Variants in MGMT observed in about 807,000 individuals in gnomAD.
MGMT encodes methylated-DNA--protein-cysteine methyltransferase.
In MGMT, 14 loss-of-function variants were observed where a neutral mutation model predicts 15.9. The ratio of observed to expected loss-of-function variants is 0.88; its 90% CI spans 0.58 to 1.37. The LOEUF (loss-of-function observed/expected upper bound fraction) is 1.37. Ranked by LOEUF, MGMT falls within the 40% of genes most tolerant of loss-of-function variation. The pLI, the probability that MGMT is intolerant of heterozygous loss-of-function variation, is 0.00. For synonymous variants in MGMT, 130 were observed against 118.2 expected, an observed-to-expected ratio of 1.10 and a Z score of -0.65; for missense variants, 282 against 268.1, an observed-to-expected ratio of 1.05 and a Z score of -0.36.
chr10:129,617,582 C>A (rs1847042130), intron 2 of MGMT, among the ~76,000 whole-genome samples: 1 of 152,072 alleles, frequency 6.6e-6, no homozygotes, highest in South Asian at 2.1e-4. Context: ...TACAGCCTCA[C>A]CGGCATCTGT....
intron 2 of MGMT, among the ~76,000 whole-genome samples, chr10:129,571,730 T>C (rs2133039568): frequency 6.6e-6 from 1 of 152,332 alleles, no homozygotes; most frequent in East Asian, 1.9e-4. Context: ...GGGAACCTTG[T>C]CACATGTTAT....
intron 2 of MGMT, among the ~76,000 whole-genome samples, chr10:129,587,128 C>T (rs1021948311): frequency 2.6e-5 from 4 of 152,018 alleles, no homozygotes; most frequent in African/African-American, 4.8e-5. Context: ...GTATGTGGAG[C>T]ATTTTCCCCC....
At chr10:129,482,602 A>G (rs1024392808) in intron 1 of MGMT, among the ~76,000 whole-genome samples, 3 of 152,110 alleles carry the variant, frequency 2.0e-5, no homozygotes, top group Non-Finnish European at 4.4e-5. Flanking sequence ...ACATGTTTAG[A>G]ATTTTAACAT....
chr10:129,498,740 C>T (rs1167885765), intron 1 of MGMT, among the ~76,000 whole-genome samples: 3 of 152,036 alleles, frequency 2.0e-5, no homozygotes, highest in African/African-American at 7.2e-5. Context: ...TTTTCCCTGC[C>T]CCAGCCCTGG....
At position 129,725,406 on chromosome 10, in the gene MGMT, A is replaced by G. The variant is rs576766025; in HGVS notation, c.274+17363A>G. 7.2e-5 allele frequency among the ~76,000 whole-genome samples: 11 copies of G among 152,380 alleles called. No homozygotes were observed. In the East Asian group the frequency reaches 2.1e-3, roughly 29 times the overall value. ...TCAGTAGCCGTGGATCAAATGATGA[A>G]GGCAGAGTTATCTAATTACGGAGTG... On this transcript the variant is annotated intron_variant, in intron 3 of 4. Transcript: ENST00000651593.
chr10:129,725,895 C>A (rs933651862), intron 3 of MGMT, among the ~76,000 whole-genome samples: 16 of 152,216 alleles, frequency 1.1e-4, no homozygotes, highest in African/African-American at 3.6e-4. Flanking sequence ...CCTGTTCTGC[C>A]TTCTCAACCA....
intron 2 of MGMT, among the ~76,000 whole-genome samples, chr10:129,562,841 T>C (rs780193409): frequency 6.6e-6 from 1 of 152,162 alleles, no homozygotes; most frequent in African/African-American, 2.4e-5. Context: ...ACATGCTGAG[T>C]TAAAGTCCTC....
At chr10:129,672,733 C>T (rs2133113642) in intron 2 of MGMT, among the ~76,000 whole-genome samples, 1 of 152,178 alleles carries the variant, frequency 6.6e-6, no homozygotes, top group South Asian at 2.1e-4. Context: ...TTTTTTCCTG[C>T]TTGAAGGTAG....
intron 2 of MGMT, among the ~76,000 whole-genome samples, chr10:129,686,138 G>A (rs1847901999): frequency 6.6e-6 from 1 of 152,140 alleles, no homozygotes; most frequent in Non-Finnish European, 1.5e-5. Flanking sequence ...CGGAGTTAAT[G>A]TCCAGAGCAG....
At chr10:129,689,479 AG>A (rs1405037391) in intron 2 of MGMT, among the ~76,000 whole-genome samples, 1 of 152,190 alleles carries the variant, frequency 6.6e-6, no homozygotes, top group African/African-American at 2.4e-5. Context: ...GGGACAAAAA[AG>A]TGCTGGAGAT....
intron 2 of MGMT, among the ~76,000 whole-genome samples, chr10:129,624,030 G>A (rs912596066): frequency 6.6e-6 from 1 of 152,206 alleles, no homozygotes; most frequent in Non-Finnish European, 1.5e-5. Context: ...CTGCAGCACC[G>A]TCCACCTGTC....
chr10:129,569,730 G>C (rs1233949031), intron 2 of MGMT, among the ~76,000 whole-genome samples: 1 of 152,162 alleles, frequency 6.6e-6, no homozygotes, highest in South Asian at 2.1e-4. Flanking sequence ...AGGAGGAACG[G>C]AAGATTGAGC....
chr10:129,708,640 G>A (rs1368092865), intron 3 of MGMT, among the ~76,000 whole-genome samples: 2 of 152,232 alleles, frequency 1.3e-5, no homozygotes, highest in Admixed American at 6.5e-5. Flanking sequence ...GCTTGTGTTT[G>A]GCTCTGCTCA....
At chr10:129,699,720 A>C (rs1018032636) in intron 2 of MGMT, among the ~76,000 whole-genome samples, 7 of 152,340 alleles carry the variant, frequency 4.6e-5, no homozygotes, top group Non-Finnish European at 1.0e-4. Context: ...CTTGACAGCC[A>C]GAGCTCCTCA....
chr10:129,690,642 G>A (rs1422070515), intron 2 of MGMT, among the ~76,000 whole-genome samples: 9 of 152,348 alleles, frequency 5.9e-5, no homozygotes, highest in East Asian at 5.8e-4. Context: ...GGTGCCAGCC[G>A]TGGGTGCCAT....
chr10:129,653,139 C>T (rs776764535), intron 2 of MGMT, among the ~76,000 whole-genome samples: 16 of 152,190 alleles, frequency 1.1e-4, no homozygotes, highest in Non-Finnish European at 2.4e-4. Flanking sequence ...CTTTCCTTGT[C>T]TTTATTTCTA....
chr10:129,677,157 A>C (rs936729802), intron 2 of MGMT, among the ~76,000 whole-genome samples: 1 of 129,190 alleles, frequency 7.7e-6, no homozygotes, highest in East Asian at 2.5e-4. Context: ...GTTGATTTAC[A>C]TGAAACACAT....
chr10:129,481,694 T>C (rs1845359716), intron 1 of MGMT, among the ~76,000 whole-genome samples: 1 of 152,210 alleles, frequency 6.6e-6, no homozygotes, highest in South Asian at 2.1e-4. Context: ...AATTTGACCA[T>C]TTCATCTAAG....
At chr10:129,686,459 C>T (rs1847905610) in intron 2 of MGMT, among the ~76,000 whole-genome samples, 1 of 152,178 alleles carries the variant, frequency 6.6e-6, no homozygotes, top group Non-Finnish European at 1.5e-5. Flanking sequence ...ACTGCAACCT[C>T]TGCCTCCCGG....
Sources: allele counts gnomAD v4.1 joint callset (sites outside exome capture counted in the v4.1 genomes callset), GRCh38; gene constraint gnomAD v4.1.1; transcripts MANE v1.5; gene names NCBI Gene and HGNC (gene_info 2026-07-23, HGNC 2026-07-21).